Variants in MAPRE3 observed in about 807,000 individuals in gnomAD.
The protein encoded by MAPRE3 is microtubule associated protein RP/EB family member 3.
A neutral mutation model predicts 30.5 loss-of-function variants in MAPRE3; 2 were observed. The observed-to-expected ratio is 0.07, with a 90% confidence interval of 0.03 to 0.21. The LOEUF (loss-of-function observed/expected upper bound fraction) is 0.21, where lower values mean the gene tolerates loss of function less well. Among genes scored for constraint, MAPRE3 ranks in the 10% least tolerant of loss-of-function variants. MAPRE3 has a pLI of 1.00. For missense variants in MAPRE3, 204 were observed against 351.8 expected (o/e 0.58, Z 3.36); for synonymous variants, 110 against 127.7 (o/e 0.86, Z 0.93).
At chr2:27,003,253 A>G (rs1486565388) in intron 1 of MAPRE3, among the ~76,000 whole-genome samples, 2 of 152,324 alleles carry the variant, frequency 1.3e-5, no homozygotes, top group Non-Finnish European at 1.5e-5. Context: ...TGGTGTTTCA[A>G]TATTCATGAG....
rs1666223284 is a variant in MAPRE3 at position 26,986,518 on chromosome 2, C to T, written c.-8+15716C>T. On this transcript the variant is annotated intron_variant, in intron 1 of 6. Transcript: ENST00000233121. This position sits in a 1 kb window ranked among gnomAD's most constrained non-coding sequence, Gnocchi z 4.2. ...GTATCCATGGAATGTATTACCTGCA[C>T]AGGTTCTCTCAGGCAGAAAACATGG... 6.6e-6 allele frequency: 1 copy of T among 152,162 alleles called. No homozygotes were observed. Among genetic ancestry groups the T allele is most frequent in the African/African-American group, 2.4e-5 (1 of 41,418 alleles). The allele number at this position is 152,162 out of a possible 1,614,324, so 9.4% of individuals were successfully genotyped here. A position where few individuals can be genotyped will look rare whatever the true frequency, so the allele number is the denominator to read the frequency against.
In MAPRE3 at chr2:27,026,602, T is replaced by C. The variant is rs1667250977; in HGVS notation, c.*254T>C. 1 of 440,936 alleles carries C rather than the reference T, an allele frequency of 2.3e-6. No homozygotes were observed. The highest frequency in any genetic ancestry group is 4.2e-5 in the Admixed American group (1 of 23,700). 27.3% of individuals were successfully genotyped at this position (440,936 alleles called of 1,614,324 possible). On this transcript the variant is annotated 3_prime_UTR_variant, in exon 7 of 7. Transcript: ENST00000233121. Reference sequence around the variant, plus strand: ...ATTTATTTCCGTTGTCTCTCTGCTGTGTCGCCCAACACTTCCCAGGGTGCT... The same window carrying C: ...ATTTATTTCCGTTGTCTCTCTGCTGCGTCGCCCAACACTTCCCAGGGTGCT...
At chr2:27,014,912 G>A (rs1666948627) in intron 1 of MAPRE3, 1 of 152,310 alleles carries the variant, frequency 6.6e-6, no homozygotes, top group African/African-American at 2.4e-5. Flanking sequence ...TCAGGAACGG[G>A]AAACGTGTTG....
rs147177483 is a variant in MAPRE3 at position 26,974,561 on chromosome 2, C to G, written c.-8+3759C>G. Reference sequence around the variant, plus strand: ...TGGGCAGCTGCGGGCTTATCTTCCACCTCTCAGAATGGAACCTTTTGTAGT... The same window carrying G: ...TGGGCAGCTGCGGGCTTATCTTCCAGCTCTCAGAATGGAACCTTTTGTAGT... On this transcript the variant is annotated intron_variant, in intron 1 of 6. Transcript: ENST00000233121. Among the ~76,000 whole-genome samples the G allele has an allele frequency of 8.3e-3, 1,271 of 152,272 alleles. 18 individuals are homozygous for G. Among genetic ancestry groups the G allele is most frequent in the African/African-American group, 0.03 (1,235 of 41,536 alleles).
At chr2:26,991,255 A>G (rs898018366) in intron 1 of MAPRE3, among the ~76,000 whole-genome samples, 2 of 151,908 alleles carry the variant, frequency 1.3e-5, no homozygotes, top group South Asian at 2.1e-4. Flanking sequence ...CTCCATCCCA[A>G]AAAAAAAGAG....
chr2:26,980,829 G>A (rs1375605991), intron 1 of MAPRE3, among the ~76,000 whole-genome samples: 2 of 152,214 alleles, frequency 1.3e-5, no homozygotes, highest in South Asian at 2.1e-4. Flanking sequence ...GTCTGAGCAT[G>A]TTTAATGGCA....
chr2:27,018,976 G>A (rs2148225623), intron 1 of MAPRE3, among the ~76,000 whole-genome samples: 1 of 151,820 alleles, frequency 6.6e-6, no homozygotes, highest in East Asian at 1.9e-4. Flanking sequence ...GAGTACAGTG[G>A]CATGATCTTG....
intron 1 of MAPRE3, among the ~76,000 whole-genome samples, chr2:26,989,908 G>A (rs916183184): frequency 6.6e-6 from 1 of 152,204 alleles, no homozygotes; most frequent in Non-Finnish European, 1.5e-5. Context: ...GCTGTGTGTG[G>A]TAGCTCAGGC....
At chr2:27,013,403 G>A (rs559775821) in intron 1 of MAPRE3, 25 of 152,206 alleles carry the variant, frequency 1.6e-4, no homozygotes, top group Admixed American at 9.2e-4. Context: ...ATCTGTTTGC[G>A]TGTAGCCAGG....
At chr2:27,021,552 C>T (rs1667110632) in intron 1 of MAPRE3, among the ~76,000 whole-genome samples, 2 of 152,330 alleles carry the variant, frequency 1.3e-5, no homozygotes, top group South Asian at 4.1e-4. Flanking sequence ...TTCTAAAACA[C>T]AAATCTGGTC....
rs761788796 is a variant in MAPRE3, at chr2:27,025,903, G to C, written c.648G>C (p.Val216=). 6.2e-7 allele frequency: 1 copy of C among 1,614,232 alleles called. No individual in the cohort carries two copies. Among genetic ancestry groups the C allele is most frequent in the South Asian group, 1.1e-5 (1 of 91,082 alleles). ...NQQLVDLKLT[V]DGLEKERDFY... The stretch of plus-strand genomic sequence containing the variant: ...AGCTGGTGGACTTGAAGCTGACAGT[G>C]GATGGGCTGGAGAAGGAACGTGACT... Residue 216 remains valine (V), a synonymous_variant, in exon 6 of 7, where the codon GTG becomes GTC. Transcript: ENST00000233121.
intron 1 of MAPRE3, among the ~76,000 whole-genome samples, chr2:26,996,680 C>T (rs1666468559): frequency 6.6e-6 from 1 of 152,066 alleles, no homozygotes; most frequent in East Asian, 1.9e-4. Flanking sequence ...GTCCCAGCTA[C>T]TCGGGAGGCT....
At chr2:27,016,663 C>T (rs1362371206) in intron 1 of MAPRE3, among the ~76,000 whole-genome samples, 1 of 152,088 alleles carries the variant, frequency 6.6e-6, no homozygotes, top group Non-Finnish European at 1.5e-5. Context: ...GGATTACAGG[C>T]GTGAGCCACC....
intron 1 of MAPRE3, among the ~76,000 whole-genome samples, chr2:26,979,255 C>T (rs1666070373): frequency 6.6e-6 from 1 of 152,122 alleles, no homozygotes; most frequent in Non-Finnish European, 1.5e-5. Flanking sequence ...CAAAAGGATG[C>T]TGAGAGGAAA....
At position 27,023,417 on chromosome 2, in the gene MAPRE3, C is replaced by T. The variant is rs10865456; in HGVS notation, c.207C>T (p.His69=). 1,481,769 of 1,614,010 alleles carry T rather than the reference C, an allele frequency of 0.92. 681,148 individuals are homozygous for T. Among genetic ancestry groups the T allele is most frequent in the South Asian group, 0.97 (88,541 of 91,084 alleles). ...RKVKFQAKLE[H]EYIHNFKVLQ... is the part of the protein sequence containing the mutation. ...TGAAGTTCCAGGCCAAACTAGAGCA[C>T]GAATACATCCACAACTTCAAGGTGC... The change falls in exon 3 of 7, where the codon CAC becomes CAT. Residue 69 remains histidine (H), a synonymous_variant. Coordinates refer to ENST00000233121, the MANE Select transcript of MAPRE3 (RefSeq NM_012326.4).
In MAPRE3 at chr2:27,027,185, G is replaced by C. The variant is rs778512607; in HGVS notation, c.*837G>C. ...TTCACTTTTATTTAAATAAACTTGT[G>C]TGGTAAAAGTACATGCCATGTGTCC... On this transcript the variant is annotated 3_prime_UTR_variant, in exon 7 of 7. Transcript: ENST00000233121. The C allele has an allele frequency of 6.6e-6, 1 of 152,364 alleles. No individual in the cohort carries two copies. Among genetic ancestry groups the C allele is most frequent in the Non-Finnish European group, 1.5e-5 (1 of 68,146 alleles). The allele number at this position is 152,364 out of a possible 1,614,324, so 9.4% of individuals were successfully genotyped here.
rs1667260547 is a variant in MAPRE3, at chr2:27,027,047, ACTCC to A, written c.*704_*707del. ...CAGCGCTGCCCTGAGGCCCCCAGCC[ACTCC>A]CTCCAGCAGCCTGGTTCACCACACA... On this transcript the variant is annotated 3_prime_UTR_variant, in exon 7 of 7. Coordinates refer to ENST00000233121, the MANE Select transcript of MAPRE3 (RefSeq NM_012326.4). The A allele has an allele frequency of 6.6e-6, 1 of 151,598 alleles. No homozygotes were observed. The highest frequency in any genetic ancestry group is 1.5e-5 in the Non-Finnish European group (1 of 68,030). The allele number at this position is 151,598 out of a possible 1,614,324, so 9.4% of individuals were successfully genotyped here. A position where few individuals can be genotyped will look rare whatever the true frequency, so the allele number is the denominator to read the frequency against.
At chr2:26,999,801 C>G (rs1000992551) in intron 1 of MAPRE3, among the ~76,000 whole-genome samples, 3 of 152,048 alleles carry the variant, frequency 2.0e-5, no homozygotes, top group Non-Finnish European at 4.4e-5. Flanking sequence ...TGTGCCCAGC[C>G]CAACTACATG....
chr2:26,983,814 C>T (rs1666165223), intron 1 of MAPRE3, among the ~76,000 whole-genome samples: 1 of 152,180 alleles, frequency 6.6e-6, no homozygotes, highest in Admixed American at 6.5e-5. Flanking sequence ...TTTTCTAATT[C>T]CAAAGAGGCT....
Sources: gnomAD v4.1 joint callset for allele counts (sites outside exome capture counted in the v4.1 genomes callset) on GRCh38, gnomAD v4.1.1 for gene constraint, Gnocchi (gnomAD v3.1) non-coding constraint, MANE v1.5 for transcripts, NCBI Gene and HGNC (gene_info 2026-07-23, HGNC 2026-07-21) for gene names.